Variants in RBMS3 observed in about 807,000 individuals in gnomAD.
The protein encoded by RBMS3 is RNA binding motif single stranded interacting protein 3.
A neutral mutation model predicts 66.8 loss-of-function variants in RBMS3; 27 were observed. The observed-to-expected ratio is 0.40, with a 90% CI of 0.30 to 0.56. The LOEUF is 0.56. RBMS3 is among the 20% of genes least tolerant of loss of function. The pLI, the probability that RBMS3 is intolerant of heterozygous loss-of-function variation, is 0.40. For synonymous variants in RBMS3, 188 were observed against 183.0 expected, an observed-to-expected ratio of 1.03 and a Z score of -0.22; for missense variants, 513 against 549.5, an observed-to-expected ratio of 0.93 and a Z score of 0.66.
Position 29,892,838 on chromosome 3 carries a change from TG to T in RBMS3, c.792-4540del, listed in dbSNP as rs1255184217. 2.6e-3 allele frequency among the ~76,000 whole-genome samples: 373 copies of T among 143,640 alleles called. 4 individuals carry two copies. The highest frequency in any genetic ancestry group is 9.1e-3 in the African/African-American group (342 of 37,692). The allele number at this position is 143,640 out of a possible 152,430, so 94.2% of individuals were successfully genotyped here. A position where few individuals can be genotyped will look rare whatever the true frequency, so the allele number is the denominator to read the frequency against. Reference sequence around the variant, plus strand: ...ATGTATGTATGTATGTATGTATGTATGTATGTATTTATTTATTTATTTATTT... The same window carrying T: ...ATGTATGTATGTATGTATGTATGTATTATGTATTTATTTATTTATTTATTT... On this transcript the variant is annotated intron_variant, in intron 8 of 14. Transcript: ENST00000383767.
intron 6 of RBMS3, among the ~76,000 whole-genome samples, chr3:29,811,155 G>A (rs1223532110): frequency 6.6e-6 from 1 of 152,112 alleles, no homozygotes; most frequent in Non-Finnish European, 1.5e-5. Flanking sequence ...GGAACATGAG[G>A]GCATTTTTTT....
At chr3:29,326,748 T>C (rs78641287) in intron 1 of RBMS3, among the ~76,000 whole-genome samples, 3 of 150,938 alleles carry the variant, frequency 2.0e-5, no homozygotes, top group Non-Finnish European at 4.4e-5. Context: ...TTTTTTTTTT[T>C]CGAGACAGAG....
intron 6 of RBMS3, among the ~76,000 whole-genome samples, chr3:29,819,474 T>C (rs1033233408): frequency 6.6e-6 from 1 of 152,216 alleles, no homozygotes; most frequent in Admixed American, 6.5e-5. Context: ...TTAGCAAGGG[T>C]ATTTTTAAAT....
chr3:29,740,266 A>G (rs891315290), intron 5 of RBMS3, among the ~76,000 whole-genome samples: 3 of 152,176 alleles, frequency 2.0e-5, no homozygotes, highest in Non-Finnish European at 2.9e-5. Flanking sequence ...GTGTTTTTGC[A>G]TTGATTTCCA....
chr3:29,332,784 A>G (rs1210583028), intron 1 of RBMS3, among the ~76,000 whole-genome samples: 1 of 152,210 alleles, frequency 6.6e-6, no homozygotes, highest in Non-Finnish European at 1.5e-5. Context: ...GCTATTTTTC[A>G]GAATCTTGCC....
chr3:29,536,838 C>T (rs1272023022), intron 3 of RBMS3, among the ~76,000 whole-genome samples: 5 of 152,138 alleles, frequency 3.3e-5, no homozygotes, highest in Non-Finnish European at 7.3e-5. Flanking sequence ...GTTTCTGCTC[C>T]GACTGCAAGT....
intron 1 of RBMS3, among the ~76,000 whole-genome samples, chr3:29,322,960 G>C (rs1001918708): frequency 1.3e-5 from 2 of 152,128 alleles, no homozygotes; most frequent in South Asian, 2.1e-4. Context: ...CATCTAATAA[G>C]TGTTATTTAA....
chr3:29,321,258 A>C (rs2034992861), intron 1 of RBMS3, among the ~76,000 whole-genome samples: 1 of 152,152 alleles, frequency 6.6e-6, no homozygotes, highest in African/African-American at 2.4e-5. Flanking sequence ...CAACTTCCTT[A>C]GAAATGAAAA....
intron 14 of RBMS3, among the ~76,000 whole-genome samples, chr3:30,000,703 G>A (rs1010976715): frequency 1.3e-5 from 2 of 152,156 alleles, no homozygotes; most frequent in African/African-American, 4.8e-5. Context: ...GGAATACCAT[G>A]CAGTCATAAA....
chr3:29,982,403 GTCTCTA>G (rs1331263021), intron 12 of RBMS3, among the ~76,000 whole-genome samples: 1 of 152,056 alleles, frequency 6.6e-6, no homozygotes, highest in East Asian at 1.9e-4. Context: ...GGTTTTTAAT[GTCTCTA>G]TCTCCTTCAG....
chr3:29,486,196 C>A (rs2125827831), intron 2 of RBMS3, among the ~76,000 whole-genome samples: 1 of 152,248 alleles, frequency 6.6e-6, no homozygotes, highest in Middle Eastern at 3.4e-3. Context: ...CAGAGCCAGT[C>A]ATGCAGAAAG....
At chr3:29,636,104 G>A (rs2049464669) in intron 4 of RBMS3, among the ~76,000 whole-genome samples, 1 of 151,364 alleles carries the variant, frequency 6.6e-6, no homozygotes, top group Admixed American at 6.6e-5. Flanking sequence ...TGTACACTGT[G>A]TAGATAAATA....
At chr3:29,845,359 T>C (rs2058752418) in intron 6 of RBMS3, among the ~76,000 whole-genome samples, 1 of 152,314 alleles carries the variant, frequency 6.6e-6, no homozygotes, top group Non-Finnish European at 1.5e-5. Context: ...AAGACTGTTA[T>C]AGTGACCAAA....
At chr3:29,920,091 T>G (rs915847654) in intron 10 of RBMS3, among the ~76,000 whole-genome samples, 1 of 152,134 alleles carries the variant, frequency 6.6e-6, no homozygotes, top group Non-Finnish European at 1.5e-5. Context: ...AAGGGAAAGG[T>G]CATGCATGGC....
At chr3:29,641,793 G>C (rs918727184) in intron 4 of RBMS3, among the ~76,000 whole-genome samples, 8 of 152,160 alleles carry the variant, frequency 5.3e-5, no homozygotes, top group African/African-American at 1.9e-4. Context: ...CACAGGGTGA[G>C]AGATGTAAAG....
chr3:29,558,907 G>A (rs1455860622), intron 3 of RBMS3, among the ~76,000 whole-genome samples: 2 of 152,066 alleles, frequency 1.3e-5, no homozygotes, highest in Admixed American at 6.6e-5. Context: ...CGAGGGAATA[G>A]AACAGAAATG....
chr3:29,371,467 C>T (rs1369079326), intron 1 of RBMS3, among the ~76,000 whole-genome samples: 5 of 152,184 alleles, frequency 3.3e-5, no homozygotes, highest in Non-Finnish European at 2.9e-5. Context: ...CACACAGACA[C>T]ACACATGCTT....
At chr3:29,718,236 A>G (rs1278431061) in intron 4 of RBMS3, among the ~76,000 whole-genome samples, 1 of 152,098 alleles carries the variant, frequency 6.6e-6, no homozygotes, top group African/African-American at 2.4e-5. Flanking sequence ...TCATTTTCCT[A>G]TGTAGACTTT....
At chr3:29,513,797 G>A (rs1238776104) in intron 3 of RBMS3, among the ~76,000 whole-genome samples, 6 of 152,130 alleles carry the variant, frequency 3.9e-5, no homozygotes, top group African/African-American at 1.4e-4. Flanking sequence ...CCACAGTCAA[G>A]CTTATAAAAA....
Sources: gnomAD v4.1 joint callset for allele counts (sites outside exome capture counted in the v4.1 genomes callset) on GRCh38, gnomAD v4.1.1 for gene constraint, MANE v1.5 for transcripts, NCBI Gene and HGNC (gene_info 2026-07-23, HGNC 2026-07-21) for gene names.